Variants in TUBB3 observed in about 807,000 individuals in gnomAD.
The protein encoded by TUBB3 is tubulin beta-3 chain.
Under a neutral mutation model 37.8 loss-of-function variants are expected in TUBB3, and 17 were observed. The ratio of observed to expected loss-of-function variants is 0.45; its 90% confidence interval spans 0.31 to 0.67. The LOEUF (loss-of-function observed/expected upper bound fraction) is 0.67, where lower values mean the gene tolerates loss of function less well. Among genes scored for constraint, TUBB3 ranks in the 30% least tolerant of loss-of-function variants. TUBB3 has a pLI of 0.07. For missense variants in TUBB3, 262 were observed against 657.9 expected (o/e 0.40, Z 6.58); for synonymous variants, 332 against 278.9 (o/e 1.19, Z -1.90).
At chr16:89,934,690 C>G (rs941672975) in intron 3 of TUBB3, 39 bp from the exon 4 acceptor site, 5 of 1,601,768 alleles carry the variant, frequency 3.1e-6, no homozygotes, top group Non-Finnish European at 4.3e-6. Flanking sequence ...ACTGCAGAGT[C>G]CCTGGCCCCT....
chr16:89,933,650 G>C (rs540262834), intron 3 of TUBB3, 72 bp downstream of exon 3: 21 of 1,189,936 alleles, frequency 1.8e-5, no homozygotes, highest in Non-Finnish European at 2.6e-5. Context: ...GGACGGGGAC[G>C]GCTGTGAGAA....
chr16:89,933,388 C>T (rs1361965925), intron 2 of TUBB3, 80 bp from the exon 3 acceptor site: 27 of 1,165,310 alleles, frequency 2.3e-5, no homozygotes, highest in Middle Eastern at 1.9e-4. Context: ...GGATGGCAGG[C>T]GGGCACAGAA....
chr16:89,930,180 C>G (rs2030233554), intron 1 of TUBB3, among the ~76,000 whole-genome samples: 1 of 151,622 alleles, frequency 6.6e-6, no homozygotes, highest in South Asian at 2.1e-4. Flanking sequence ...TCTCGACTCA[C>G]CACAACCTCT....
At position 89,935,387 on chromosome 16, in the gene TUBB3, G is replaced by A. The variant is rs375770255; in HGVS notation, c.936G>A (p.Thr312=). 20 of 1,614,038 alleles carry A rather than the reference G, an allele frequency of 1.2e-5. No individual in the cohort carries two copies. The highest frequency in any genetic ancestry group is 1.6e-4 in the Middle Eastern group (1 of 6,084). Residue 312 remains threonine (T), a synonymous_variant, in exon 4 of 4, where the codon ACG becomes ACA. Coordinates refer to ENST00000315491, the MANE Select transcript of TUBB3 (RefSeq NM_006086.4). ...ACDPRHGRYL[T]VATVFRGRMS... The stretch of plus-strand genomic sequence containing the variant: ...ACCCGCGCCACGGCCGCTACCTGAC[G>A]GTGGCCACCGTGTTCCGGGGCCGCA...
intron 1 of TUBB3, among the ~76,000 whole-genome samples, chr16:89,924,947 G>C (rs1027974089): frequency 5.3e-5 from 8 of 151,980 alleles, no homozygotes. Flanking sequence ...GGTCGCTGGG[G>C]GGAGGGAGGG....
At chr16:89,929,583 C>G (rs1482837084) in intron 1 of TUBB3, among the ~76,000 whole-genome samples, 1 of 152,238 alleles carries the variant, frequency 6.6e-6, no homozygotes, top group African/African-American at 2.4e-5. Context: ...AAAATCTCAA[C>G]AAGACCACAG....
chr16:89,922,822 T>G (rs562724498), upstream of TUBB3, among the ~76,000 whole-genome samples: 1 of 152,298 alleles, frequency 6.6e-6, no homozygotes, highest in South Asian at 2.1e-4. Flanking sequence ...GACGCTTTGT[T>G]TCTTCTCAGT....
intron 1 of TUBB3, among the ~76,000 whole-genome samples, chr16:89,931,303 G>A (rs1382708648): frequency 6.6e-6 from 1 of 152,208 alleles, no homozygotes. Context: ...GGAATCTTCT[G>A]CAGCACATGA....
At chr16:89,924,951 G>T (rs2030022416) in intron 1 of TUBB3, among the ~76,000 whole-genome samples, 1 of 151,718 alleles carries the variant, frequency 6.6e-6, no homozygotes, top group Non-Finnish European at 1.5e-5. Flanking sequence ...GCTGGGGGGA[G>T]GGAGGGCAGG....
chr16:89,930,064 C>G (rs1365164875), intron 1 of TUBB3, among the ~76,000 whole-genome samples: 9 of 149,856 alleles, frequency 6.0e-5, no homozygotes, highest in African/African-American at 1.7e-4. Context: ...TCCTTCCTCT[C>G]TCTCTCTCTT....
chr16:89,923,163 G>GA (rs2029944639), upstream of TUBB3: 1 of 183,662 alleles, frequency 5.4e-6, no homozygotes, highest in South Asian at 2.0e-4. Context: ...AGCGCTGGGG[G>GA]ATCCTTGGCT....
At chr16:89,934,674 G>A in intron 3 of TUBB3, 55 bp from the exon 4 acceptor site, 1 of 1,561,730 alleles carries the variant, frequency 6.4e-7, no homozygotes, top group Non-Finnish European at 8.8e-7. Context: ...GGGGCTGGAG[G>A]TCTGGACTGC....
intron 1 of TUBB3, among the ~76,000 whole-genome samples, chr16:89,924,061 G>C (rs1228963659): frequency 6.6e-6 from 1 of 152,226 alleles, no homozygotes; most frequent in Non-Finnish European, 1.5e-5. Flanking sequence ...CTCCATCGGC[G>C]CAGCCGCTCC....
At chr16:89,924,350 G>C (rs1162804726) in intron 1 of TUBB3, among the ~76,000 whole-genome samples, 1 of 152,208 alleles carries the variant, frequency 6.6e-6, no homozygotes, top group African/African-American at 2.4e-5. Flanking sequence ...AGAGAGCTGG[G>C]CTGGCCCTTG....
At position 89,935,889 on chromosome 16, in the gene TUBB3, G is replaced by A. The variant is rs565948203; in HGVS notation, c.*85G>A. The A allele has an allele frequency of 1.3e-5, 19 of 1,483,140 alleles. No individual in the cohort carries two copies. Among genetic ancestry groups the A allele is most frequent in the Middle Eastern group, 2.3e-4 (1 of 4,408 alleles). 91.9% of individuals were successfully genotyped at this position (1,483,140 alleles called of 1,614,324 possible). ...AAACCCCCGGAGCCATCTTGCTGCC[G>A]ACACCCTGCTTTCCCCTCGCCCTAG... On this transcript the variant is annotated 3_prime_UTR_variant, in exon 4 of 4. Coordinates refer to ENST00000315491, the MANE Select transcript of TUBB3 (RefSeq NM_006086.4).
At chr16:89,924,522 G>A (rs1410443298) in intron 1 of TUBB3, among the ~76,000 whole-genome samples, 1 of 152,052 alleles carries the variant, frequency 6.6e-6, no homozygotes, top group African/African-American at 2.4e-5. Flanking sequence ...CAGGGCTGGT[G>A]CAGCGCTGAT....
intron 3 of TUBB3, chr16:89,934,303 G>C (rs372436840): frequency 2.1e-6 from 1 of 473,738 alleles, no homozygotes; most frequent in South Asian, 1.5e-5. Flanking sequence ...GGAGGGCCTC[G>C]CTTCACTTCT....
chr16:89,928,771 A>T (rs539006403), intron 1 of TUBB3, among the ~76,000 whole-genome samples: 2 of 151,584 alleles, frequency 1.3e-5, no homozygotes, highest in East Asian at 3.9e-4. Context: ...TGATCCGCCC[A>T]CCTCGGCCTC....
At chr16:89,930,568 GCCA>G (rs1426626436) in intron 1 of TUBB3, among the ~76,000 whole-genome samples, 1 of 151,634 alleles carries the variant, frequency 6.6e-6, no homozygotes, top group African/African-American at 2.4e-5. Context: ...GAACGTGTGA[GCCA>G]CCACCCCTGG....
Sources: gnomAD v4.1 joint callset for allele counts (sites outside exome capture counted in the v4.1 genomes callset) on GRCh38, gnomAD v4.1.1 for gene constraint, MANE v1.5 for transcripts, NCBI Gene and HGNC (gene_info 2026-07-23, HGNC 2026-07-21) for gene names.